The following SMC6 variants were observed in gnomAD, a reference collection of about 807,000 sequenced individuals.
The protein encoded by SMC6 is structural maintenance of chromosomes protein 6.
A neutral mutation model predicts 142.2 loss-of-function variants in SMC6; 79 were observed. That is an observed-to-expected ratio of 0.56 (90% CI 0.46 to 0.67). The LOEUF (loss-of-function observed/expected upper bound fraction) is 0.67, where lower values mean the gene tolerates loss of function less well. SMC6 is among the 30% of genes least tolerant of loss of function. The probability of loss-of-function intolerance (pLI) is 0.00; values close to 1 mark genes in which losing one functional copy is unlikely to be tolerated. For missense variants in SMC6, 1,072 were observed against 1,284.0 expected (o/e 0.83, Z 2.52); for synonymous variants, 411 against 412.4 (o/e 1.00, Z 0.04).
intron 4 of SMC6, among the ~76,000 whole-genome samples, chr2:17,738,829 G>C (rs74495414): frequency 6.6e-6 from 1 of 151,698 alleles, no homozygotes; most frequent in African/African-American, 2.4e-5. Flanking sequence ...ATTTTTTTTT[G>C]TAGAGACACA....
At chr2:17,743,095 T>G (rs1670559041) in intron 3 of SMC6, among the ~76,000 whole-genome samples, 1 of 152,354 alleles carries the variant, frequency 6.6e-6, no homozygotes, top group African/African-American at 2.4e-5. Context: ...TATCGGTAGT[T>G]CGCTCCTTTT....
intron 20 of SMC6, among the ~76,000 whole-genome samples, chr2:17,701,186 A>G (rs1016505856): frequency 6.6e-6 from 1 of 152,078 alleles, no homozygotes; most frequent in Non-Finnish European, 1.5e-5. Flanking sequence ...CTTCACTAGC[A>G]CTGAGACTTA....
At position 17,707,256 on chromosome 2, in the gene SMC6, G is replaced by A; in HGVS notation, c.1969C>T (p.Pro657Ser). ...TCCACATCTCTGCTTAGGAACTTAGGTCTTGTATTTTCAGATGAATAATAA... is the reference window on the plus strand; with the variant it reads ...TCCACATCTCTGCTTAGGAACTTAGATCTTGTATTTTCAGATGAATAATAA... ...GRYYSSENTRPKFLSRDVDSE... is the reference protein window; with the variant it reads ...GRYYSSENTRSKFLSRDVDSE... The change falls in exon 18 of 28, where the codon CCT (proline) becomes TCT (serine). Residue 657 changes from proline (P) to serine (S), a missense_variant. Around this residue, in one of 3 missense-constraint regions of SMC6, gnomAD observed 994 missense variants for 1,153.2 expected, o/e 0.86. Coordinates refer to ENST00000448223, the MANE Select transcript of SMC6 (RefSeq NM_001142286.2). 1 of 1,599,918 alleles carries A rather than the reference G, an allele frequency of 6.3e-7. No individual in the cohort carries two copies. Among genetic ancestry groups the A allele is most frequent in the South Asian group, 1.1e-5 (1 of 88,202 alleles).
At chr2:17,713,182 T>A (rs1668913440) in intron 16 of SMC6, among the ~76,000 whole-genome samples, 1 of 152,186 alleles carries the variant, frequency 6.6e-6, no homozygotes, top group African/African-American at 2.4e-5. Flanking sequence ...CTCTAATGTT[T>A]ATCTAACAGT....
At chr2:17,695,376 A>T in intron 22 of SMC6, 79 bp from the exon 23 acceptor site, 1 of 1,264,058 alleles carries the variant, frequency 7.9e-7, no homozygotes, top group Non-Finnish European at 1.1e-6. Flanking sequence ...CAAAATCTGC[A>T]AAGTAAAATT....
intron 25 of SMC6, among the ~76,000 whole-genome samples, chr2:17,672,237 TCTATTA>T (rs1467593043): frequency 6.6e-6 from 1 of 152,182 alleles, no homozygotes; most frequent in Non-Finnish European, 1.5e-5. Context: ...TACCCTCTCA[TCTATTA>T]CTAACATATC....
intron 16 of SMC6, among the ~76,000 whole-genome samples, chr2:17,710,414 A>G (rs1371252178): frequency 6.6e-6 from 1 of 152,152 alleles, no homozygotes; most frequent in Non-Finnish European, 1.5e-5. Context: ...AGTATATTAT[A>G]TTATAGAGTT....
At chr2:17,752,197 TC>T (rs1170305475) in intron 2 of SMC6, among the ~76,000 whole-genome samples, 1 of 152,150 alleles carries the variant, frequency 6.6e-6, no homozygotes, top group Non-Finnish European at 1.5e-5. Context: ...GATACCAAAA[TC>T]CACAGATGCT....
At chr2:17,726,327 T>C (rs1572336129) in intron 8 of SMC6, 62 bp downstream of exon 8, 1 of 1,320,558 alleles carries the variant, frequency 7.6e-7, no homozygotes, top group East Asian at 2.4e-5. Context: ...AATAATATTG[T>C]TTACAATATG....
chr2:17,735,331 C>T (rs989305808), intron 5 of SMC6, among the ~76,000 whole-genome samples: 2 of 151,922 alleles, frequency 1.3e-5, no homozygotes, highest in African/African-American at 4.8e-5. Context: ...TGGCTTCTTT[C>T]TCAACTCAGG....
chr2:17,680,032 T>C (rs902171080), intron 24 of SMC6: 1 of 152,210 alleles, frequency 6.6e-6, no homozygotes. Flanking sequence ...CACTGCTAGC[T>C]GGTTTTCAGA....
chr2:17,673,612 C>T (rs554907176), intron 25 of SMC6, among the ~76,000 whole-genome samples: 33 of 150,692 alleles, frequency 2.2e-4, no homozygotes, highest in African/African-American at 7.8e-4. Context: ...TCTTATTGCC[C>T]AGGCTGGAGT....
intron 2 of SMC6, among the ~76,000 whole-genome samples, chr2:17,749,469 C>A (rs577832966): frequency 2.2e-4 from 33 of 152,310 alleles, no homozygotes; most frequent in Admixed American, 9.8e-4. Context: ...GCAGGCGGAT[C>A]ACGAGGTCAG....
chr2:17,713,130 C>T (rs1401772579), intron 16 of SMC6, among the ~76,000 whole-genome samples: 2 of 152,166 alleles, frequency 1.3e-5, no homozygotes, highest in Non-Finnish European at 2.9e-5. Context: ...CACTCAACTG[C>T]TTCCCTTTTC....
chr2:17,748,495 C>A (rs1320448367), intron 2 of SMC6, among the ~76,000 whole-genome samples: 1 of 152,206 alleles, frequency 6.6e-6, no homozygotes, highest in Non-Finnish European at 1.5e-5. Context: ...GTTACAGCTA[C>A]ATAATATTCA....
chr2:17,678,745 C>T, intron 25 of SMC6, 114 bp downstream of exon 25: 1 of 718,064 alleles, frequency 1.4e-6, no homozygotes, highest in South Asian at 2.1e-5. Context: ...CACTGCACTC[C>T]AGCCTGGGCA....
At chr2:17,717,011 A>C in intron 13 of SMC6, 77 bp downstream of exon 13, 1 of 1,525,276 alleles carries the variant, frequency 6.6e-7, no homozygotes, top group Admixed American at 2.0e-5. Flanking sequence ...AATACATAAA[A>C]TATAATACTC....
intron 25 of SMC6, among the ~76,000 whole-genome samples, chr2:17,672,216 G>A (rs1666792904): frequency 6.6e-6 from 1 of 152,068 alleles, no homozygotes; most frequent in African/African-American, 2.4e-5. Context: ...AAATCTGGGG[G>A]ATCTAGCTTT....
chr2:17,725,135 G>C, intron 9 of SMC6, 122 bp downstream of exon 9: 1 of 660,078 alleles, frequency 1.5e-6, no homozygotes, highest in Non-Finnish European at 2.5e-6. Context: ...ACTTCAGAGT[G>C]CTATAAAAAT....
Sources: gnomAD v4.1 joint callset for allele counts (sites outside exome capture counted in the v4.1 genomes callset) on GRCh38, gnomAD v4.1.1 for gene constraint, gnomAD v4.1.1 regional missense constraint, MANE v1.5 for transcripts, NCBI Gene and HGNC (gene_info 2026-07-23, HGNC 2026-07-21) for gene names.